The following VWA3B variants were observed in gnomAD, a reference collection of about 807,000 sequenced individuals.
The protein encoded by VWA3B is von Willebrand factor A domain containing 3B.
VWA3B carries 138 observed loss-of-function variants against 158.3 expected under a neutral mutation model. That is an observed-to-expected ratio of 0.87 (90% CI 0.76 to 1.00). The LOEUF (loss-of-function observed/expected upper bound fraction) is 1.00. Among genes scored for constraint, VWA3B ranks in the 50% least tolerant of loss-of-function variants. VWA3B has a pLI of 0.00. For synonymous variants in VWA3B, 596 were observed against 587.3 expected (o/e 1.01, Z -0.21); for missense variants, 1,555 against 1,565.1 (o/e 0.99, Z 0.11).
chr2:98,220,652 C>T (rs1008417769), intron 14 of VWA3B, among the ~76,000 whole-genome samples: 1 of 152,200 alleles, frequency 6.6e-6, no homozygotes, highest in African/African-American at 2.4e-5. Context: ...CACATGCACA[C>T]ATATGTTTAT....
chr2:98,244,150 A>G (rs1484671569), intron 19 of VWA3B, among the ~76,000 whole-genome samples: 1 of 152,186 alleles, frequency 6.6e-6, no homozygotes, highest in Non-Finnish European at 1.5e-5. Context: ...AATTTAGCAT[A>G]TGTTATGAAC....
rs13391337 is a variant in VWA3B at position 98,185,047 on chromosome 2, T to C, written c.1312-2928T>C. On this transcript the variant is annotated intron_variant, in intron 9 of 27. Transcript: ENST00000477737. ...CCTCTCATTTCTTTTACCTTCTCTT[T>C]CCCAGTGACTTCCTCCCCAACTCCA... Among the ~76,000 whole-genome samples the C allele has an allele frequency of 2.5e-3, 388 of 152,294 alleles. 1 individual carries two copies. Among genetic ancestry groups the C allele is most frequent in the African/African-American group, 9.1e-3 (379 of 41,552 alleles).
chr2:98,152,400 A>G (rs1677711170), intron 7 of VWA3B, among the ~76,000 whole-genome samples: 1 of 152,228 alleles, frequency 6.6e-6, no homozygotes, highest in Admixed American at 6.5e-5. Flanking sequence ...ACTGCTGGTT[A>G]AAGCTCTCCA....
intron 17 of VWA3B, among the ~76,000 whole-genome samples, chr2:98,235,681 C>T (rs1438093127): frequency 1.3e-5 from 2 of 152,182 alleles, no homozygotes; most frequent in Non-Finnish European, 1.5e-5. Flanking sequence ...CCGCCTTGGC[C>T]TCCCAAAGTG....
At chr2:98,243,826 C>A (rs1686227514) in intron 19 of VWA3B, among the ~76,000 whole-genome samples, 1 of 152,180 alleles carries the variant, frequency 6.6e-6, no homozygotes, top group Non-Finnish European at 1.5e-5. Flanking sequence ...CACCTACATT[C>A]AAAGATTCCC....
chr2:98,316,502 G>A (rs550531452), downstream of VWA3B, among the ~76,000 whole-genome samples: 1 of 152,118 alleles, frequency 6.6e-6, no homozygotes, highest in Admixed American at 6.5e-5. Context: ...AAAATTGCTG[G>A]GTGTGGTGAC....
chr2:98,314,666 A>T (rs1425869234), downstream of VWA3B, among the ~76,000 whole-genome samples: 1 of 152,240 alleles, frequency 6.6e-6, no homozygotes, highest in Non-Finnish European at 1.5e-5. Flanking sequence ...ACAATGTCTG[A>T]CATCCAATCA....
At chr2:98,327,042 C>T in the VWA3B span, among the ~76,000 whole-genome samples, 2 of 151,182 alleles carry the variant, frequency 1.3e-5, no homozygotes, top group African/African-American at 2.4e-5. Flanking sequence ...CGCCTGTAAT[C>T]CCAGCACTTT....
At chr2:98,319,538 A>T in the VWA3B span, among the ~76,000 whole-genome samples, 1 of 152,194 alleles carries the variant, frequency 6.6e-6, no homozygotes, top group Non-Finnish European at 1.5e-5. Context: ...GGATCTAAAA[A>T]TATGAAAAGA....
At chr2:98,235,467 C>T (rs1300794404) in intron 17 of VWA3B, among the ~76,000 whole-genome samples, 1 of 151,524 alleles carries the variant, frequency 6.6e-6, no homozygotes, top group African/African-American at 2.4e-5. Flanking sequence ...ACTTTGTTAC[C>T]TAGGCTGGAG....
intron 12 of VWA3B, among the ~76,000 whole-genome samples, chr2:98,210,577 G>A (rs997848419): frequency 1.3e-5 from 2 of 152,218 alleles, no homozygotes; most frequent in African/African-American, 2.4e-5. Flanking sequence ...GCAGCTGGAT[G>A]GGTCAGGTCA....
intron 13 of VWA3B, among the ~76,000 whole-genome samples, chr2:98,215,000 A>G (rs745931869): frequency 2.6e-5 from 4 of 152,214 alleles, no homozygotes; most frequent in Admixed American, 1.3e-4. Context: ...CTTGATCTAC[A>G]GTCCAGTACG....
intron 6 of VWA3B, among the ~76,000 whole-genome samples, chr2:98,129,695 G>C (rs1480708634): frequency 6.6e-6 from 1 of 150,844 alleles, no homozygotes; most frequent in African/African-American, 2.4e-5. Context: ...CCCTGGGTCT[G>C]TGTGTGTGTG....
intron 7 of VWA3B, among the ~76,000 whole-genome samples, chr2:98,141,865 G>A (rs1427980683): frequency 3.3e-5 from 5 of 152,162 alleles, no homozygotes; most frequent in Non-Finnish European, 7.4e-5. Flanking sequence ...CCCTCCGGAA[G>A]AACTGGCTCC....
At chr2:98,185,274 C>T (rs1680938495) in intron 9 of VWA3B, among the ~76,000 whole-genome samples, 2 of 152,308 alleles carry the variant, frequency 1.3e-5, no homozygotes, top group African/African-American at 4.8e-5. Context: ...TCTACCACCT[C>T]CTCTCTGTCC....
chr2:98,161,481 C>T (rs1408080437), intron 7 of VWA3B, among the ~76,000 whole-genome samples: 1 of 152,166 alleles, frequency 6.6e-6, no homozygotes, highest in Non-Finnish European at 1.5e-5. Context: ...TGCTGCTTGG[C>T]ACTAAGGACA....
chr2:98,112,275 GTTT>G (rs1237264470), intron 2 of VWA3B, among the ~76,000 whole-genome samples: 7 of 137,918 alleles, frequency 5.1e-5, no homozygotes, highest in African/African-American at 1.8e-4. Flanking sequence ...CTATATGTCT[GTTT>G]GGGGTGTGTG....
chr2:98,306,478 C>T (rs1016879316), intron 26 of VWA3B, among the ~76,000 whole-genome samples: 3 of 152,086 alleles, frequency 2.0e-5, no homozygotes, highest in Non-Finnish European at 2.9e-5. Flanking sequence ...TTATCAAAAA[C>T]GTATGCTACA....
chr2:98,290,091 A>T (rs1207365835), intron 22 of VWA3B, among the ~76,000 whole-genome samples: 2 of 152,200 alleles, frequency 1.3e-5, no homozygotes, highest in African/African-American at 2.4e-5. Flanking sequence ...ACTACCTGAG[A>T]CTGGGTAATT....
Sources: allele counts gnomAD v4.1 joint callset (sites outside exome capture counted in the v4.1 genomes callset), GRCh38; gene constraint gnomAD v4.1.1; transcripts MANE v1.5; gene names NCBI Gene and HGNC (gene_info 2026-07-23, HGNC 2026-07-21).